The following RAD51B variants were observed in gnomAD, a reference collection of about 807,000 sequenced individuals.
RAD51B encodes the protein RAD51 paralog B, also known as DNA repair protein RAD51 homolog 2.
RAD51B carries 38 observed loss-of-function variants against 42.2 expected under a neutral mutation model. The observed-to-expected ratio is 0.90, with a 90% CI of 0.70 to 1.18. The LOEUF (loss-of-function observed/expected upper bound fraction) is 1.18, where lower values mean the gene tolerates loss of function less well. Among genes scored for constraint, RAD51B ranks in the 50% most tolerant of loss-of-function variants. The pLI is 0.00. For missense variants in RAD51B, 373 were observed against 400.7 expected (o/e 0.93, Z 0.59); for synonymous variants, 154 against 145.2 (o/e 1.06, Z -0.43).
chr14:67,920,484 T>A (rs2044287771), intron 7 of RAD51B, among the ~76,000 whole-genome samples: 1 of 152,216 alleles, frequency 6.6e-6, no homozygotes, highest in East Asian at 1.9e-4. Flanking sequence ...TGGTTTATGG[T>A]TATGTCTAAT....
chr14:68,658,682 T>C (rs887122821), intron 11 of RAD51B, among the ~76,000 whole-genome samples: 6 of 152,196 alleles, frequency 3.9e-5, no homozygotes, highest in African/African-American at 1.4e-4. Context: ...CTCAGGGTTC[T>C]CCCTGCCTTC....
intron 10 of RAD51B, among the ~76,000 whole-genome samples, chr14:68,505,015 C>T (rs1426767454): frequency 2.6e-5 from 4 of 152,250 alleles, no homozygotes; most frequent in African/African-American, 7.2e-5. Flanking sequence ...AAAACTCAGG[C>T]GAATTTGAAA....
At chr14:68,224,077 A>T (rs1316467232) in intron 7 of RAD51B, among the ~76,000 whole-genome samples, 2 of 152,246 alleles carry the variant, frequency 1.3e-5, no homozygotes. Context: ...CTTGGTGTAG[A>T]ATGAAGAAAA....
intron 8 of RAD51B, among the ~76,000 whole-genome samples, chr14:68,339,728 T>C (rs893350195): frequency 6.6e-6 from 1 of 152,210 alleles, no homozygotes; most frequent in Non-Finnish European, 1.5e-5. Context: ...GTTCTCTCTC[T>C]AAGCCTAGTT....
chr14:68,090,062 G>C (rs2077063837), intron 7 of RAD51B, among the ~76,000 whole-genome samples: 1 of 152,134 alleles, frequency 6.6e-6, no homozygotes, highest in Non-Finnish European at 1.5e-5. Context: ...TTTCCAGAGT[G>C]GCCAAATTAT....
chr14:68,655,355 C>G (rs899777671), intron 11 of RAD51B, among the ~76,000 whole-genome samples: 1 of 152,120 alleles, frequency 6.6e-6, no homozygotes, highest in African/African-American at 2.4e-5. Context: ...CTTGGAACAG[C>G]CCCAGGTTTC....
intron 8 of RAD51B, among the ~76,000 whole-genome samples, chr14:68,334,428 G>A (rs118183110): frequency 0.077 from 11,715 of 152,110 alleles, 591 homozygotes; most frequent in Non-Finnish European, 0.11. Context: ...CACCCATATC[G>A]TCTACACATT....
At chr14:67,933,618 A>G (rs1449601303) in intron 7 of RAD51B, among the ~76,000 whole-genome samples, 10 of 152,126 alleles carry the variant, frequency 6.6e-5, no homozygotes, top group Admixed American at 5.2e-4. Flanking sequence ...CCCTATGATA[A>G]TGAGTCCCTT....
At chr14:68,521,171 A>G (rs1469886640) in intron 10 of RAD51B, among the ~76,000 whole-genome samples, 1 of 152,202 alleles carries the variant, frequency 6.6e-6, no homozygotes, top group Non-Finnish European at 1.5e-5. Context: ...TGGGCCACCC[A>G]TATGCAGAGC....
At chr14:68,228,047 T>G (rs1488273027) in intron 7 of RAD51B, among the ~76,000 whole-genome samples, 1 of 152,166 alleles carries the variant, frequency 6.6e-6, no homozygotes, top group Non-Finnish European at 1.5e-5. Flanking sequence ...AGTAAGTTGT[T>G]TCATCCCCCT....
At chr14:68,320,988 C>T (rs560780220) in intron 8 of RAD51B, among the ~76,000 whole-genome samples, 1 of 152,144 alleles carries the variant, frequency 6.6e-6, no homozygotes, top group East Asian at 1.9e-4. Flanking sequence ...ATGTTTCTTT[C>T]CCCCCTGCAG....
At chr14:68,468,951 C>T (rs568478445) in intron 10 of RAD51B, 59 of 281,910 alleles carry the variant, frequency 2.1e-4, no homozygotes, top group African/African-American at 1.2e-3. Flanking sequence ...ACAGGTCTTT[C>T]CAGAAAGCAA....
chr14:68,197,629 TG>T (rs2079399378), intron 7 of RAD51B, among the ~76,000 whole-genome samples: 1 of 152,186 alleles, frequency 6.6e-6, no homozygotes, highest in Non-Finnish European at 1.5e-5. Flanking sequence ...AAAATAATTA[TG>T]TTTGTTCTAC....
intron 9 of RAD51B, among the ~76,000 whole-genome samples, chr14:68,445,214 G>A (rs982764285): frequency 6.6e-6 from 1 of 152,148 alleles, no homozygotes; most frequent in African/African-American, 2.4e-5. Context: ...TAGGGGAAGA[G>A]ACTGCAGAAT....
At chr14:68,329,808 C>T (rs1231098681) in intron 8 of RAD51B, among the ~76,000 whole-genome samples, 5 of 151,888 alleles carry the variant, frequency 3.3e-5, no homozygotes, top group South Asian at 2.1e-4. Context: ...GGTGAAACCC[C>T]GTCTCTACTA....
chr14:68,551,918 T>C (rs1199397247), intron 10 of RAD51B, among the ~76,000 whole-genome samples: 3 of 152,150 alleles, frequency 2.0e-5, no homozygotes, highest in Non-Finnish European at 4.4e-5. Context: ...GGACTTGCAT[T>C]TGAAGTCATA....
chr14:67,872,192 T>C, intron 5 of RAD51B, among the ~76,000 whole-genome samples: 2 of 148,684 alleles, frequency 1.3e-5, no homozygotes, highest in African/African-American at 2.5e-5. Context: ...GAAAACCCCA[T>C]TGTCTCAGCC....
chr14:67,887,271 A>C, intron 7 of RAD51B, 67 bp downstream of exon 7: 1 of 1,300,614 alleles, frequency 7.7e-7, no homozygotes. Context: ...ACATTCACTG[A>C]CTTATGGTAT....
chr14:68,406,549 G>A (rs1232299879), intron 8 of RAD51B, among the ~76,000 whole-genome samples: 1 of 152,142 alleles, frequency 6.6e-6, no homozygotes, highest in Non-Finnish European at 1.5e-5. Flanking sequence ...CTCTGGGTCC[G>A]TTGGTGAGTG....
Sources: allele counts gnomAD v4.1 joint callset (sites outside exome capture counted in the v4.1 genomes callset), GRCh38; gene constraint gnomAD v4.1.1; transcripts MANE v1.5; gene names NCBI Gene and HGNC (gene_info 2026-07-23, HGNC 2026-07-21).